Variants in VEPH1 observed in about 807,000 individuals in gnomAD.
VEPH1 encodes ventricular zone-expressed PH domain-containing protein homolog 1.
Under a neutral mutation model 85.2 loss-of-function variants are expected in VEPH1, and 80 were observed. The ratio of observed to expected loss-of-function variants is 0.94; its 90% CI spans 0.78 to 1.13. VEPH1 has a LOEUF of 1.13. VEPH1 is among the 50% of genes most tolerant of loss of function. The probability of loss-of-function intolerance (pLI) is 0.00; values close to 1 mark genes in which losing one functional copy is unlikely to be tolerated. For synonymous variants in VEPH1, 297 were observed against 348.0 expected, an observed-to-expected ratio of 0.85 and a Z score of 1.63; for missense variants, 955 against 980.5, an observed-to-expected ratio of 0.97 and a Z score of 0.35.
intron 6 of VEPH1, 87 bp downstream of exon 6, chr3:157,413,794 G>C: frequency 1.4e-6 from 2 of 1,445,208 alleles, no homozygotes; most frequent in Non-Finnish European, 1.9e-6. Context: ...GGACAAATTT[G>C]CACGTCATAA....
Position 157,407,338 on chromosome 3 carries a change from G to A in VEPH1, c.906+6543C>T, listed in dbSNP as rs536188831. Among the ~76,000 whole-genome samples the A allele has an allele frequency of 7.2e-5, 11 of 152,224 alleles. No individual in the cohort carries two copies. In the South Asian group the frequency reaches 2.1e-3, roughly 29 times the overall value. On this transcript the variant is annotated intron_variant, in intron 6 of 13. Transcript: ENST00000362010. The stretch of plus-strand genomic sequence containing the variant: ...GGGGACCACCTACCCTTTATGGAAA[G>A]CAATGTACTTCCAGTGGCCCAAGAA...
intron 6 of VEPH1, among the ~76,000 whole-genome samples, chr3:157,392,648 T>C (rs11924331): frequency 0.085 from 12,874 of 152,110 alleles, 784 homozygotes; most frequent in African/African-American, 0.17. Flanking sequence ...TATCTCATAA[T>C]GTTTTAAGAA....
intron 13 of VEPH1, among the ~76,000 whole-genome samples, chr3:157,264,227 T>TG (rs1713298565): frequency 6.6e-6 from 1 of 152,228 alleles, no homozygotes; most frequent in Non-Finnish European, 1.5e-5. Flanking sequence ...CTTCAGACTC[T>TG]GGGACTTACA....
intron 9 of VEPH1, among the ~76,000 whole-genome samples, chr3:157,362,819 T>G (rs1044243491): frequency 6.6e-6 from 1 of 152,190 alleles, no homozygotes; most frequent in African/African-American, 2.4e-5. Context: ...AATGGGTTTT[T>G]GGGGACATAG....
intron 2 of VEPH1, among the ~76,000 whole-genome samples, chr3:157,489,510 T>G (rs2109702436): frequency 6.6e-6 from 1 of 152,280 alleles, no homozygotes; most frequent in South Asian, 2.1e-4. Context: ...TCCTTCAAGT[T>G]TTGCTTAAAT....
intron 2 of VEPH1, among the ~76,000 whole-genome samples, chr3:157,483,132 A>ACAAACG (rs1738286033): frequency 1.3e-5 from 2 of 150,606 alleles, no homozygotes; most frequent in East Asian, 3.9e-4. Flanking sequence ...ATACACACAC[A>ACAAACG]CACACACACA....
chr3:157,415,399 T>C (rs1450760369), intron 5 of VEPH1: 2 of 152,098 alleles, frequency 1.3e-5, no homozygotes, highest in African/African-American at 4.8e-5. Context: ...ACAGGGAAAA[T>C]GTAGGGCTCT....
intron 4 of VEPH1, among the ~76,000 whole-genome samples, chr3:157,441,395 T>G (rs537853055): frequency 6.6e-6 from 1 of 152,384 alleles, no homozygotes; most frequent in East Asian, 1.9e-4. Context: ...GAACAGTATC[T>G]GATACATAGT....
intron 2 of VEPH1, among the ~76,000 whole-genome samples, chr3:157,471,629 G>C (rs1268132817): frequency 6.6e-6 from 1 of 151,838 alleles, no homozygotes; most frequent in African/African-American, 2.4e-5. Flanking sequence ...AGGTTGAATG[G>C]TTCTGTGTTT....
At chr3:157,480,012 TTTC>T (rs1422039087) in intron 2 of VEPH1, among the ~76,000 whole-genome samples, 1 of 149,994 alleles carries the variant, frequency 6.7e-6, no homozygotes. Context: ...TTTCTTTTTC[TTTC>T]TTTTCTCTTT....
chr3:157,491,045 A>G (rs1411342144), intron 2 of VEPH1, among the ~76,000 whole-genome samples: 1 of 152,176 alleles, frequency 6.6e-6, no homozygotes, highest in African/African-American at 2.4e-5. Flanking sequence ...ACAAAATACT[A>G]TGCTGTAATT....
At chr3:157,353,142 T>C (rs1212359416) in intron 9 of VEPH1, among the ~76,000 whole-genome samples, 1 of 152,210 alleles carries the variant, frequency 6.6e-6, no homozygotes, top group African/African-American at 2.4e-5. Context: ...CCAAGTTACC[T>C]GCATCTCTGT....
At chr3:157,311,945 CA>C (rs1423467166) in intron 11 of VEPH1, among the ~76,000 whole-genome samples, 1 of 152,034 alleles carries the variant, frequency 6.6e-6, no homozygotes, top group African/African-American at 2.4e-5. Context: ...AAACACAAGC[CA>C]AAAAGTAGTG....
chr3:157,280,654 C>G (rs1029976799), intron 12 of VEPH1, among the ~76,000 whole-genome samples: 1 of 152,118 alleles, frequency 6.6e-6, no homozygotes, highest in African/African-American at 2.4e-5. Flanking sequence ...ATGTTGAAAC[C>G]TTGTATACAG....
intron 2 of VEPH1, among the ~76,000 whole-genome samples, chr3:157,491,349 A>G (rs1344930170): frequency 1.3e-5 from 2 of 152,118 alleles, no homozygotes; most frequent in Non-Finnish European, 1.5e-5. Flanking sequence ...TGGATGAGAC[A>G]ATCTCTCTTG....
At chr3:157,455,900 G>A (rs1735338086) in intron 4 of VEPH1, among the ~76,000 whole-genome samples, 1 of 152,172 alleles carries the variant, frequency 6.6e-6, no homozygotes, top group African/African-American at 2.4e-5. Flanking sequence ...GTGTGCATGT[G>A]TCTTTATGAT....
intron 12 of VEPH1, among the ~76,000 whole-genome samples, chr3:157,275,671 T>A (rs534471182): frequency 9.2e-5 from 14 of 152,264 alleles, no homozygotes; most frequent in Admixed American, 2.6e-4. Context: ...TATTGAAATA[T>A]AAATTAACTC....
intron 2 of VEPH1, among the ~76,000 whole-genome samples, chr3:157,489,648 C>T (rs74768917): frequency 0.012 from 1,863 of 152,170 alleles, 35 homozygotes; most frequent in African/African-American, 0.039. Context: ...TAATACACTA[C>T]ATATCTTCCT....
chr3:157,456,792 T>A (rs1735422114), intron 4 of VEPH1, among the ~76,000 whole-genome samples: 1 of 152,150 alleles, frequency 6.6e-6, no homozygotes. Context: ...GAAGTCAGTT[T>A]GAAGTAATAC....
Sources: allele counts gnomAD v4.1 joint callset (sites outside exome capture counted in the v4.1 genomes callset), GRCh38; gene constraint gnomAD v4.1.1; transcripts MANE v1.5; gene names NCBI Gene and HGNC (gene_info 2026-07-23, HGNC 2026-07-21).